The following NPSR1 variants were observed in gnomAD, a reference collection of about 807,000 sequenced individuals.
NPSR1 encodes neuropeptide S receptor 1, also known as neuropeptide S receptor.
In NPSR1, 48 loss-of-function variants were observed where a neutral mutation model predicts 46.9. The observed-to-expected ratio is 1.02, with a 90% CI of 0.81 to 1.30. The LOEUF is 1.30. NPSR1 is among the 50% of genes most tolerant of loss of function. NPSR1 has a pLI of 0.00. For synonymous variants in NPSR1, 176 were observed against 168.1 expected, an observed-to-expected ratio of 1.05 and a Z score of -0.36; for missense variants, 450 against 449.5, an observed-to-expected ratio of 1.00 and a Z score of -0.01.
At chr7:34,788,693 A>G in intron 3 of NPSR1, among the ~76,000 whole-genome samples, 1 of 152,108 alleles carries the variant, frequency 6.6e-6, no homozygotes, top group Non-Finnish European at 1.5e-5. Flanking sequence ...GAAGAGAGAA[A>G]TAGACTGCAA....
intron 2 of NPSR1, among the ~76,000 whole-genome samples, chr7:34,700,677 G>T (rs1166089670): frequency 3.3e-5 from 5 of 152,062 alleles, no homozygotes; most frequent in Admixed American, 6.6e-5. Flanking sequence ...TTCACATTTT[G>T]CTTTGCCAGT....
chr7:34,798,709 G>A (rs1788314301), intron 3 of NPSR1, among the ~76,000 whole-genome samples: 2 of 152,076 alleles, frequency 1.3e-5, no homozygotes, highest in African/African-American at 2.4e-5. Context: ...TCCATCAAGA[G>A]AAACTTCATA....
At chr7:34,763,142 T>C (rs1166178399) in intron 2 of NPSR1, among the ~76,000 whole-genome samples, 2 of 152,202 alleles carry the variant, frequency 1.3e-5, no homozygotes, top group Admixed American at 1.3e-4. Context: ...ACTATAAACA[T>C]GAGCAAGGCA....
chr7:34,738,272 T>C (rs1270963106), intron 2 of NPSR1, among the ~76,000 whole-genome samples: 3 of 152,222 alleles, frequency 2.0e-5, no homozygotes. Context: ...CAAAATGAGA[T>C]GTTTCTTGAA....
chr7:34,875,697 A>G (rs571924173), intron 8 of NPSR1, among the ~76,000 whole-genome samples: 107 of 152,294 alleles, frequency 7.0e-4, no homozygotes, highest in East Asian at 3.3e-3. Context: ...GAGGAGCTGC[A>G]GGGACAGTGG....
At chr7:34,700,039 A>G (rs976386276) in intron 2 of NPSR1, among the ~76,000 whole-genome samples, 9 of 152,180 alleles carry the variant, frequency 5.9e-5, no homozygotes, top group African/African-American at 2.2e-4. Flanking sequence ...ACATACTTAA[A>G]TTAACCCATG....
chr7:34,830,949 C>A (rs543170253), intron 5 of NPSR1, among the ~76,000 whole-genome samples: 55 of 152,306 alleles, frequency 3.6e-4, no homozygotes, highest in African/African-American at 1.3e-3. Context: ...GCCAAGCTCA[C>A]CTTGCCTTGT....
intron 1 of NPSR1, among the ~76,000 whole-genome samples, 169 bp downstream of exon 1, chr7:34,658,728 A>G (rs935299254): frequency 6.6e-6 from 1 of 152,246 alleles, no homozygotes; most frequent in African/African-American, 2.4e-5. Context: ...TGTAGTGTGC[A>G]GAGACCTAGA....
intron 8 of NPSR1, among the ~76,000 whole-genome samples, chr7:34,874,977 C>T (rs73094728): frequency 9.2e-5 from 14 of 152,270 alleles, no homozygotes; most frequent in African/African-American, 3.1e-4. Flanking sequence ...GAAGTACTTC[C>T]TCTATCACTT....
At chr7:34,763,066 GA>G (rs1233666396) in intron 2 of NPSR1, among the ~76,000 whole-genome samples, 1 of 152,090 alleles carries the variant, frequency 6.6e-6, no homozygotes, top group Non-Finnish European at 1.5e-5. Context: ...TGTTTAATTG[GA>G]CAACATTTCT....
rs111690196 is a variant in NPSR1 at position 34,710,341 on chromosome 7, G to A, written c.280+25657G>A. 5.5e-4 allele frequency among the ~76,000 whole-genome samples: 84 copies of A among 152,332 alleles called. 1 individual carries two copies. The highest frequency in any genetic ancestry group is 1.9e-3 in the African/African-American group (81 of 41,576). ...GCCTCCCTTTAGGGAAGAAAGCAGA[G>A]GAAAGGAGCAGAGGAATTATTTTCT... is the stretch of plus-strand genomic sequence containing the variant. On this transcript the variant is annotated intron_variant, in intron 2 of 8. Coordinates refer to ENST00000360581, the MANE Select transcript of NPSR1 (RefSeq NM_207172.2).
At chr7:34,820,189 G>A (rs532514528) in intron 4 of NPSR1, among the ~76,000 whole-genome samples, 22 of 152,322 alleles carry the variant, frequency 1.4e-4, no homozygotes, top group African/African-American at 4.6e-4. Flanking sequence ...TACATTTATG[G>A]CATTGCTTGT....
At chr7:34,829,251 C>T (rs1406464519) in intron 5 of NPSR1, among the ~76,000 whole-genome samples, 2 of 152,198 alleles carry the variant, frequency 1.3e-5, no homozygotes, top group East Asian at 1.9e-4. Context: ...ACATAGTGAC[C>T]TCAAAAGCCA....
At chr7:34,797,706 A>G (rs1256241461) in intron 3 of NPSR1, among the ~76,000 whole-genome samples, 2 of 152,216 alleles carry the variant, frequency 1.3e-5, no homozygotes, top group Admixed American at 6.5e-5. Context: ...AATAAATGTC[A>G]GAAAAAATGT....
chr7:34,795,214 C>T (rs1788118757), intron 3 of NPSR1, among the ~76,000 whole-genome samples: 2 of 152,066 alleles, frequency 1.3e-5, no homozygotes, highest in South Asian at 4.1e-4. Flanking sequence ...AATTACAACA[C>T]CTATTATGAT....
rs1013826072 is a variant in NPSR1 at position 34,684,786 on chromosome 7, G to A, written c.280+102G>A. The A allele has an allele frequency of 2.1e-5, 19 of 899,288 alleles. No individual in the cohort carries two copies. In the South Asian group the frequency reaches 2.2e-4, roughly 11 times the overall value. 55.7% of individuals were successfully genotyped at this position (899,288 alleles called of 1,614,324 possible). On this transcript the variant is annotated intron_variant, in intron 2 of 8. Coordinates refer to ENST00000360581, the MANE Select transcript of NPSR1 (RefSeq NM_207172.2). ...CAAAAAAAAAAAAATGTAACGCATC[G>A]GTCAATTTGGGAATAATTTCTGAAA...
At chr7:34,849,502 G>A in intron 8 of NPSR1, 63 bp from the exon 9 acceptor site, 1 of 1,604,774 alleles carries the variant, frequency 6.2e-7, no homozygotes, top group Non-Finnish European at 8.5e-7. Context: ...CTCTTAACAT[G>A]TCTACTTGCC....
intron 6 of NPSR1, among the ~76,000 whole-genome samples, 167 bp from the exon 7 acceptor site, chr7:34,844,729 G>A (rs1335419521): frequency 1.3e-5 from 2 of 152,200 alleles, no homozygotes; most frequent in African/African-American, 4.8e-5. Context: ...CCAGAAACCA[G>A]CCCAGAACCA....
chr7:34,796,057 G>A (rs938023293), intron 3 of NPSR1, among the ~76,000 whole-genome samples: 5 of 152,048 alleles, frequency 3.3e-5, no homozygotes, highest in South Asian at 2.1e-4. Flanking sequence ...GAACAAACAG[G>A]TCAATGGAAC....
Sources: allele counts gnomAD v4.1 joint callset (sites outside exome capture counted in the v4.1 genomes callset), GRCh38; gene constraint gnomAD v4.1.1; transcripts MANE v1.5; gene names NCBI Gene and HGNC (gene_info 2026-07-23, HGNC 2026-07-21).